Variants in SNTA1 observed in about 807,000 individuals in gnomAD.
SNTA1 encodes the protein alpha-1-syntrophin.
Under a neutral mutation model 47.1 loss-of-function variants are expected in SNTA1, and 31 were observed. The ratio of observed to expected loss-of-function variants is 0.66; its 90% CI spans 0.49 to 0.89. The LOEUF (loss-of-function observed/expected upper bound fraction) is 0.89. Ranked by LOEUF, SNTA1 falls within the 40% of genes least tolerant of loss-of-function variation. The pLI, the probability that SNTA1 is intolerant of heterozygous loss-of-function variation, is 0.00. For synonymous variants in SNTA1, 300 were observed against 313.6 expected (o/e 0.96, Z 0.46); for missense variants, 575 against 693.0 (o/e 0.83, Z 1.91).
At chr20:33,433,150 G>A (rs1250101108) in intron 2 of SNTA1, among the ~76,000 whole-genome samples, 2 of 151,884 alleles carry the variant, frequency 1.3e-5, no homozygotes, top group South Asian at 2.1e-4. Context: ...GGCTGGTCTC[G>A]AACTCCTGAC....
intron 3 of SNTA1, among the ~76,000 whole-genome samples, chr20:33,417,265 C>T (rs1205047442): frequency 6.6e-6 from 1 of 152,090 alleles, no homozygotes; most frequent in Non-Finnish European, 1.5e-5. Context: ...TAGGTGGTTT[C>T]AGTATTATCA....
At chr20:33,426,187 G>C (rs967336332) in intron 2 of SNTA1, among the ~76,000 whole-genome samples, 1 of 151,982 alleles carries the variant, frequency 6.6e-6, no homozygotes, top group Non-Finnish European at 1.5e-5. Context: ...AGTGACTCAC[G>C]CCTGTAATCC....
At chr20:33,440,888 G>A (rs758835150) in intron 1 of SNTA1, among the ~76,000 whole-genome samples, 3 of 152,146 alleles carry the variant, frequency 2.0e-5, no homozygotes, top group Admixed American at 2.0e-4. Flanking sequence ...GAGACAAGTC[G>A]GCTATTCCTA....
intron 2 of SNTA1, among the ~76,000 whole-genome samples, chr20:33,427,034 G>A (rs563925093): frequency 2.7e-5 from 4 of 146,298 alleles, no homozygotes; most frequent in Non-Finnish European, 3.0e-5. Flanking sequence ...CTGTACTCTA[G>A]CCTGGGTGAC....
chr20:33,417,717 A>C lies in SNTA1; in HGVS notation c.701+2T>G. On this transcript the variant is annotated splice_donor_variant, in intron 3 of 7. Coordinates refer to ENST00000217381, the MANE Select transcript of SNTA1 (RefSeq NM_003098.3). LOFTEE classifies it high-confidence loss of function. ...CTGAGTTGCTCCCAACCCCAGCCTTACCTGGGCTCCGGGTCATTGGGGGTG... is the reference window on the plus strand; with the variant it reads ...CTGAGTTGCTCCCAACCCCAGCCTTCCCTGGGCTCCGGGTCATTGGGGGTG... 6.2e-7 allele frequency: 1 copy of C among 1,612,336 alleles called. No individual in the cohort carries two copies. The highest frequency in any genetic ancestry group is 8.5e-7 in the Non-Finnish European group (1 of 1,178,454).
intron 2 of SNTA1, among the ~76,000 whole-genome samples, chr20:33,427,062 C>CAAA (rs914615779): frequency 0.014 from 834 of 61,032 alleles, 6 homozygotes; most frequent in African/African-American, 0.04. Flanking sequence ...AACCCTGTCT[C>CAAA]AAAAAAAAAA....
rs76556587 is a variant in SNTA1, at chr20:33,437,996, T to G, written c.496+845A>C. On this transcript the variant is annotated intron_variant, in intron 2 of 7. Transcript: ENST00000217381. ...TGATCCTGGCTGGAAGGATTTGATG[T>G]CCTACTCTATAAAAGCCAAGGCCTC... Among the ~76,000 whole-genome samples, 95 of 152,314 alleles carry G rather than the reference T, an allele frequency of 6.2e-4. 2 individuals carry two copies. The East Asian group carries it at 0.017, about 27-fold the overall frequency.
Position 33,432,916 on chromosome 20 carries a change from A to G in SNTA1, c.496+5925T>C, listed in dbSNP as rs1990345072. Among the ~76,000 whole-genome samples the G allele has an allele frequency of 1.3e-5, 2 of 152,092 alleles. 1 individual carries two copies. Among genetic ancestry groups the G allele is most frequent in the African/African-American group, 4.8e-5 (2 of 41,474 alleles). On this transcript the variant is annotated intron_variant, in intron 2 of 7. Transcript: ENST00000217381. Reference sequence around the variant, plus strand: ...ATACCTTCCTTACTTTATATAAAGCACTAAAATTCACTTTATTAATTTTTT... The same window carrying G: ...ATACCTTCCTTACTTTATATAAAGCGCTAAAATTCACTTTATTAATTTTTT...
chr20:33,439,854 T>A (rs1990536870), intron 1 of SNTA1, among the ~76,000 whole-genome samples: 1 of 152,052 alleles, frequency 6.6e-6, no homozygotes, highest in African/African-American at 2.4e-5. Context: ...GTGCGGTGGC[T>A]TATGCCTGTA....
rs564913257 is a variant in SNTA1 at position 33,430,363 on chromosome 20, A to G, written c.496+8478T>C. Reference sequence around the variant, plus strand: ...GAGTGCCGTGGCGTGATCTCAGCTCACTGCAACCTCCACCTCCTGGGCTCA... The same window carrying G: ...GAGTGCCGTGGCGTGATCTCAGCTCGCTGCAACCTCCACCTCCTGGGCTCA... On this transcript the variant is annotated intron_variant, in intron 2 of 7. Coordinates refer to ENST00000217381, the MANE Select transcript of SNTA1 (RefSeq NM_003098.3). Among the ~76,000 whole-genome samples the G allele has an allele frequency of 4.0e-4, 55 of 139,214 alleles. 1 individual carries two copies. Among genetic ancestry groups the G allele is most frequent in the African/African-American group, 1.4e-3 (52 of 36,818 alleles). 91.3% of individuals were successfully genotyped at this position (139,214 alleles called of 152,430 possible).
At chr20:33,443,287 G>T in intron 1 of SNTA1, 24 bp downstream of exon 1, 1 of 1,494,696 alleles carries the variant, frequency 6.7e-7, no homozygotes, top group Non-Finnish European at 8.9e-7. Context: ...CCACGACCCC[G>T]CGCCCTCGGT....
chr20:33,441,108 T>C (rs1303933901), intron 1 of SNTA1, among the ~76,000 whole-genome samples: 1 of 152,270 alleles, frequency 6.6e-6, no homozygotes, highest in East Asian at 1.9e-4. Flanking sequence ...TTCACCTTAG[T>C]TGCACTTACC....
chr20:33,411,199 C>T (rs1175074045), intron 5 of SNTA1, among the ~76,000 whole-genome samples: 1 of 152,124 alleles, frequency 6.6e-6, no homozygotes, highest in Non-Finnish European at 1.5e-5. Context: ...CACCCGCCTT[C>T]GACTTTCCAG....
chr20:33,443,164 A>T, intron 1 of SNTA1, 147 bp downstream of exon 1: 1 of 487,176 alleles, frequency 2.1e-6, no homozygotes, highest in Non-Finnish European at 3.4e-6. Flanking sequence ...TGGTGTGCCC[A>T]GTGCCCTCCG....
rs1600859462 is a variant in SNTA1 at position 33,433,892 on chromosome 20, G to A, written c.496+4949C>T. 2.0e-5 allele frequency among the ~76,000 whole-genome samples: 3 copies of A among 152,158 alleles called. No individual in the cohort carries two copies. The East Asian group carries it at 5.8e-4, about 29-fold the overall frequency. On this transcript the variant is annotated intron_variant, in intron 2 of 7. Transcript: ENST00000217381. The stretch of plus-strand genomic sequence containing the variant: ...CTAGGAGGCAGGTTGGGGTTGCTGA[G>A]GCTCAGCTGAGCCCCCAACTTAGGC...
At chr20:33,427,237 G>A (rs573897946) in intron 2 of SNTA1, among the ~76,000 whole-genome samples, 134 of 152,214 alleles carry the variant, frequency 8.8e-4, no homozygotes, top group Middle Eastern at 3.4e-3. Context: ...CATGTAATGT[G>A]GTGACAGGCA....
rs763351253 is a variant in SNTA1 at position 33,408,545 on chromosome 20, G to C, written c.1480C>G (p.Leu494Val). The C allele has an allele frequency of 2.5e-6, 4 of 1,614,184 alleles. No individual in the cohort carries two copies. Among genetic ancestry groups the C allele is most frequent in the Non-Finnish European group, 3.4e-6 (4 of 1,180,016 alleles). ...CCGAGGCGGGTGACTTTGGCCGACA[G>C]GAAGGAGTGGATGATGAAGACTATG... ...KTIVFIIHSF[L>V]SAKVTRLGLL... Residue 494 changes from leucine (L) to valine (V), a missense_variant, in exon 8 of 8, where the codon CTG (leucine) becomes GTG (valine). Leu to Val is a conservative substitution (Grantham distance 32). Transcript: ENST00000217381.
chr20:33,424,882 C>T (rs865913397), intron 2 of SNTA1, among the ~76,000 whole-genome samples: 1 of 151,378 alleles, frequency 6.6e-6, no homozygotes, highest in African/African-American at 2.4e-5. Flanking sequence ...TTTGGGGGGC[C>T]GACGCGGGCA....
At position 33,417,863 on chromosome 20, in the gene SNTA1, C is replaced by T. The variant is rs140994858; in HGVS notation, c.557G>A (p.Gly186Asp). 2.5e-6 allele frequency: 4 copies of T among 1,614,086 alleles called. No individual in the cohort carries two copies. In the South Asian group the frequency reaches 3.3e-5, roughly 13 times the overall value. ...FKNSTGGTSV[G>D]WDSPPASPLQ... ...GGGTGAGGCAGGAGGTGAGTCCCAG[C>T]CGACCGAGGTCCCACCAGTAGAGTT... The change falls in exon 3 of 8, where the codon GGC becomes GAC. Residue 186 changes from glycine to aspartate, a missense_variant. By Grantham distance (94) the Gly-to-Asp change is moderately conservative. Coordinates refer to ENST00000217381, the MANE Select transcript of SNTA1 (RefSeq NM_003098.3).
Sources: allele counts gnomAD v4.1 joint callset (sites outside exome capture counted in the v4.1 genomes callset), GRCh38; gene constraint gnomAD v4.1.1; transcripts MANE v1.5; gene names NCBI Gene and HGNC (gene_info 2026-07-23, HGNC 2026-07-21).